Variants in MGMT observed in about 807,000 individuals in gnomAD.
MGMT encodes O-6-methylguanine-DNA methyltransferase.
In MGMT, 14 loss-of-function variants were observed where a neutral mutation model predicts 15.9. The ratio of observed to expected loss-of-function variants is 0.88; its 90% CI spans 0.58 to 1.37. MGMT has a LOEUF of 1.37. MGMT is among the 40% of genes most tolerant of loss of function. The pLI is 0.00. For synonymous variants in MGMT, 130 were observed against 118.2 expected (o/e 1.10, Z -0.65); for missense variants, 282 against 268.1 (o/e 1.05, Z -0.36).
At chr10:129,468,645 G>A (rs1589824302) in intron 1 of MGMT, among the ~76,000 whole-genome samples, 3 of 152,054 alleles carry the variant, frequency 2.0e-5, no homozygotes, top group Non-Finnish European at 2.9e-5. Flanking sequence ...AGCACTTTGG[G>A]AGGCCGAGGT....
intron 3 of MGMT, among the ~76,000 whole-genome samples, chr10:129,758,897 C>G (rs145451746): frequency 2.0e-5 from 3 of 152,208 alleles, no homozygotes; most frequent in Admixed American, 1.3e-4. Context: ...TACACACGCC[C>G]AGTCGCTAGA....
At chr10:129,490,983 G>T (rs1186112805) in intron 1 of MGMT, among the ~76,000 whole-genome samples, 1 of 152,084 alleles carries the variant, frequency 6.6e-6, no homozygotes, top group Non-Finnish European at 1.5e-5. Context: ...CTTTCTCCCA[G>T]CTTGGATGCT....
At chr10:129,497,195 C>T (rs1401859785) in intron 1 of MGMT, among the ~76,000 whole-genome samples, 2 of 152,162 alleles carry the variant, frequency 1.3e-5, no homozygotes, top group Non-Finnish European at 2.9e-5. Flanking sequence ...CAGCTCGTAC[C>T]ACTCCCCCGT....
At chr10:129,630,374 C>T (rs1221911045) in intron 2 of MGMT, among the ~76,000 whole-genome samples, 2 of 152,212 alleles carry the variant, frequency 1.3e-5, no homozygotes, top group East Asian at 1.9e-4. Flanking sequence ...TCCCATCTCA[C>T]GCCGTGAGGA....
intron 2 of MGMT, among the ~76,000 whole-genome samples, chr10:129,644,055 C>T (rs1181914287): frequency 6.6e-6 from 1 of 152,194 alleles, no homozygotes; most frequent in East Asian, 1.9e-4. Flanking sequence ...ACAGAGAGAC[C>T]TTCCCAGCCA....
At chr10:129,570,438 C>T (rs915434683) in intron 2 of MGMT, among the ~76,000 whole-genome samples, 3 of 152,238 alleles carry the variant, frequency 2.0e-5, no homozygotes, top group Non-Finnish European at 2.9e-5. Context: ...GGTCTGTGCC[C>T]ACGTGTCACG....
chr10:129,673,342 G>C (rs7076288), intron 2 of MGMT, among the ~76,000 whole-genome samples: 110,002 of 152,108 alleles, frequency 0.72, 40,587 homozygotes, highest in African/African-American at 0.87. Context: ...CCACTTTTCT[G>C]TCAGCCCTGC....
chr10:129,620,957 T>A (rs1025103206), intron 2 of MGMT, among the ~76,000 whole-genome samples: 9 of 152,238 alleles, frequency 5.9e-5, no homozygotes, highest in Admixed American at 2.0e-4. Context: ...TACCTTTTTT[T>A]AAGTAGTTTG....
intron 1 of MGMT, among the ~76,000 whole-genome samples, chr10:129,525,258 G>A (rs940848962): frequency 6.6e-6 from 1 of 152,124 alleles, no homozygotes; most frequent in Non-Finnish European, 1.5e-5. Flanking sequence ...TTCCATATAT[G>A]TACCAAAGAG....
At chr10:129,738,381 C>T (rs11599610) in intron 3 of MGMT, among the ~76,000 whole-genome samples, 44,188 of 152,216 alleles carry the variant, frequency 0.29, 6,538 homozygotes, top group South Asian at 0.42. Context: ...CTTGCGCTTC[C>T]GGAGTGAGGC....
At chr10:129,709,937 C>G (rs1212150160) in intron 3 of MGMT, among the ~76,000 whole-genome samples, 1 of 152,198 alleles carries the variant, frequency 6.6e-6, no homozygotes, top group African/African-American at 2.4e-5. Flanking sequence ...TAATCAGACA[C>G]TCTCCAAACC....
At chr10:129,730,982 C>T (rs540174702) in intron 3 of MGMT, among the ~76,000 whole-genome samples, 4 of 152,254 alleles carry the variant, frequency 2.6e-5, no homozygotes, top group East Asian at 1.9e-4. Context: ...AGTATAAATA[C>T]GCCTCTGGGG....
chr10:129,627,604 A>G (rs537791268), intron 2 of MGMT, among the ~76,000 whole-genome samples: 1 of 152,214 alleles, frequency 6.6e-6, no homozygotes, highest in South Asian at 2.1e-4. Flanking sequence ...GTCCTCACCA[A>G]CACTTCCTTC....
chr10:129,700,385 CCAAA>C (rs1848084593), intron 2 of MGMT: 1 of 150,030 alleles, frequency 6.7e-6, no homozygotes, highest in Non-Finnish European at 1.5e-5. Flanking sequence ...GTCATAGTGC[CCAAA>C]CAGTTGCTGG....
At chr10:129,490,248 A>G (rs959313450) in intron 1 of MGMT, among the ~76,000 whole-genome samples, 9 of 152,144 alleles carry the variant, frequency 5.9e-5, no homozygotes, top group African/African-American at 1.4e-4. Flanking sequence ...ACAGGCTTCA[A>G]ATTTTATTAA....
intron 2 of MGMT, among the ~76,000 whole-genome samples, chr10:129,667,093 T>C (rs1020035576): frequency 2.0e-5 from 3 of 152,220 alleles, no homozygotes; most frequent in Non-Finnish European, 4.4e-5. Flanking sequence ...ATTTTTGTTA[T>C]AAAGATAATA....
At chr10:129,553,167 C>A (rs1278075685) in intron 2 of MGMT, among the ~76,000 whole-genome samples, 2 of 152,166 alleles carry the variant, frequency 1.3e-5, no homozygotes, top group East Asian at 3.9e-4. Context: ...TAGATCATTT[C>A]TCAGTTTAAT....
chr10:129,618,896 A>G (rs948534086), intron 2 of MGMT, among the ~76,000 whole-genome samples: 6 of 152,068 alleles, frequency 3.9e-5, no homozygotes, highest in Admixed American at 3.9e-4. Context: ...AGGATTCTTT[A>G]GTATCTTCCA....
intron 2 of MGMT, among the ~76,000 whole-genome samples, chr10:129,703,519 G>A (rs1357125926): frequency 6.6e-6 from 1 of 152,124 alleles, no homozygotes; most frequent in Non-Finnish European, 1.5e-5. Flanking sequence ...CATCTGCGGG[G>A]TGTGATGGCC....
Sources: gnomAD v4.1 joint callset for allele counts (sites outside exome capture counted in the v4.1 genomes callset) on GRCh38, gnomAD v4.1.1 for gene constraint, MANE v1.5 for transcripts, NCBI Gene and HGNC (gene_info 2026-07-23, HGNC 2026-07-21) for gene names.